FSTL4: variants seen among roughly 807,000 people sequenced by gnomAD.
FSTL4 encodes follistatin like 4.
In FSTL4, 28 loss-of-function variants were observed where a neutral mutation model predicts 78.2. The ratio of observed to expected loss-of-function variants is 0.36; its 90% CI spans 0.27 to 0.49. The LOEUF (loss-of-function observed/expected upper bound fraction) is 0.49. Ranked by LOEUF, FSTL4 falls within the 20% of genes least tolerant of loss-of-function variation. The pLI is 0.98. For missense variants in FSTL4, 922 were observed against 1,084.9 expected (o/e 0.85, Z 2.11); for synonymous variants, 422 against 440.5 (o/e 0.96, Z 0.53).
At chr5:133,314,350 T>A (rs772571355) in intron 5 of FSTL4, among the ~76,000 whole-genome samples, 1 of 152,194 alleles carries the variant, frequency 6.6e-6, no homozygotes, top group Non-Finnish European at 1.5e-5. Context: ...CCGGGGGCCA[T>A]GGGCAGCAAG....
intron 6 of FSTL4, among the ~76,000 whole-genome samples, chr5:133,280,092 G>A (rs1434831945): frequency 1.3e-5 from 2 of 152,186 alleles, no homozygotes; most frequent in African/African-American, 4.8e-5. Flanking sequence ...GAGAGCACAC[G>A]TTTACGTGGT....
At chr5:133,238,565 G>A (rs972931048) in intron 7 of FSTL4, among the ~76,000 whole-genome samples, 3 of 151,868 alleles carry the variant, frequency 2.0e-5, no homozygotes, top group African/African-American at 7.3e-5. Flanking sequence ...ATGGACACAT[G>A]CAGTACATGC....
chr5:133,569,882 A>G (rs1009385956), intron 2 of FSTL4, among the ~76,000 whole-genome samples: 1 of 152,136 alleles, frequency 6.6e-6, no homozygotes, highest in African/African-American at 2.4e-5. Flanking sequence ...TTCATAAATG[A>G]GATTGGTCTA....
the FSTL4 span, among the ~76,000 whole-genome samples, chr5:133,679,380 A>C: frequency 6.6e-6 from 1 of 152,142 alleles, no homozygotes; most frequent in African/African-American, 2.4e-5. Context: ...CCTTGAAAGA[A>C]ACCTTTCTGT....
chr5:133,432,036 G>A (rs891580115), intron 3 of FSTL4, among the ~76,000 whole-genome samples: 1 of 152,168 alleles, frequency 6.6e-6, no homozygotes, highest in Middle Eastern at 3.2e-3. Context: ...TACCTCAGTT[G>A]AGAGTTAAAT....
chr5:133,571,595 C>CT (rs1190814757), intron 2 of FSTL4, among the ~76,000 whole-genome samples: 3 of 152,188 alleles, frequency 2.0e-5, no homozygotes, highest in Non-Finnish European at 4.4e-5. Context: ...ATTGGGTACA[C>CT]TGTAAAATGC....
intron 6 of FSTL4, among the ~76,000 whole-genome samples, chr5:133,269,226 T>C (rs1375826311): frequency 6.6e-6 from 1 of 151,366 alleles, no homozygotes; most frequent in African/African-American, 2.4e-5. Context: ...GGCAAATCTA[T>C]TTGTACTGAC....
rs543327955 is a variant in FSTL4 at position 133,498,904 on chromosome 5, A to G, written c.160+68282T>C. On this transcript the variant is annotated intron_variant, in intron 3 of 15. Coordinates refer to ENST00000265342, the MANE Select transcript of FSTL4 (RefSeq NM_015082.2). Reference sequence around the variant, plus strand: ...CTGTTTTAGCAGAACTAGAGATGGGAGTAGGAACAGACACAGACCCTTGTC... The same window carrying G: ...CTGTTTTAGCAGAACTAGAGATGGGGGTAGGAACAGACACAGACCCTTGTC... Among the ~76,000 whole-genome samples the G allele has an allele frequency of 1.2e-4, 18 of 152,106 alleles. 1 individual carries two copies. The highest frequency in any genetic ancestry group is 4.1e-4 in the African/African-American group (17 of 41,456).
At chr5:133,712,783 G>A in the FSTL4 span, among the ~76,000 whole-genome samples, 6 of 152,212 alleles carry the variant, frequency 3.9e-5, no homozygotes, top group Non-Finnish European at 5.9e-5. Flanking sequence ...GATTCCCAAG[G>A]GGGCCACTTT....
chr5:133,767,480 T>C, the FSTL4 span, among the ~76,000 whole-genome samples: 8,264 of 152,196 alleles, frequency 0.054, 266 homozygotes, highest in African/African-American at 0.066. Context: ...TGGGTCCTGA[T>C]TGTGGAGAGC....
chr5:133,682,538 G>A, the FSTL4 span, among the ~76,000 whole-genome samples: 5 of 152,302 alleles, frequency 3.3e-5, no homozygotes, highest in South Asian at 2.1e-4. Flanking sequence ...AAATGATGCC[G>A]CCCCTTTCCA....
chr5:133,445,735 A>T (rs1757250877), intron 3 of FSTL4, among the ~76,000 whole-genome samples: 1 of 152,164 alleles, frequency 6.6e-6, no homozygotes, highest in African/African-American at 2.4e-5. Flanking sequence ...CCGGGTCCCC[A>T]GGCCTGTGTA....
chr5:133,220,635 A>G, intron 12 of FSTL4, 113 bp downstream of exon 12: 1 of 722,636 alleles, frequency 1.4e-6, no homozygotes, highest in African/African-American at 1.7e-5. Context: ...TTGGAACCAC[A>G]CCACATATAG....
At chr5:133,339,624 C>A (rs191634685) in intron 4 of FSTL4, among the ~76,000 whole-genome samples, 1 of 152,290 alleles carries the variant, frequency 6.6e-6, no homozygotes, top group Admixed American at 6.5e-5. Flanking sequence ...TGGCTTTGTC[C>A]AGAGTTGCTT....
In FSTL4 at chr5:133,440,455, C is replaced by T. The variant is rs539015212; in HGVS notation, c.161-39469G>A. Among the ~76,000 whole-genome samples, 153 of 152,362 alleles carry T rather than the reference C, an allele frequency of 1.0e-3. 3 individuals are homozygous for T. The South Asian group carries it at 0.031, about 31-fold the overall frequency. On this transcript the variant is annotated intron_variant, in intron 3 of 15. Coordinates refer to ENST00000265342, the MANE Select transcript of FSTL4 (RefSeq NM_015082.2). The surrounding 1 kb of genome is among the most constrained non-coding windows in gnomAD (Gnocchi z 4.1). ...AATGTGGGGCTGCACTGAGCCCTTA[C>T]ATCTGGCTGGCCGACCAAGCTGCTT...
At chr5:133,276,266 C>T (rs929958408) in intron 6 of FSTL4, among the ~76,000 whole-genome samples, 3 of 152,192 alleles carry the variant, frequency 2.0e-5, no homozygotes, top group African/African-American at 7.2e-5. Flanking sequence ...GCTGTCCTGG[C>T]TTGCTTGGGG....
chr5:133,719,324 T>G, the FSTL4 span, among the ~76,000 whole-genome samples: 1 of 152,034 alleles, frequency 6.6e-6, no homozygotes, highest in Non-Finnish European at 1.5e-5. Context: ...TATAGAAAAA[T>G]AAATCTTTAA....
chr5:133,412,899 G>C (rs991834444), intron 3 of FSTL4, among the ~76,000 whole-genome samples: 5 of 152,080 alleles, frequency 3.3e-5, no homozygotes, highest in Non-Finnish European at 7.4e-5. Flanking sequence ...GCATATAGTG[G>C]TGATTCATTC....
intron 4 of FSTL4, among the ~76,000 whole-genome samples, chr5:133,395,805 C>T (rs913872673): frequency 1.3e-5 from 2 of 152,206 alleles, no homozygotes; most frequent in Admixed American, 1.3e-4. Flanking sequence ...CCCCTCTCCT[C>T]CAGCACCTTC....
Sources: allele counts gnomAD v4.1 joint callset (sites outside exome capture counted in the v4.1 genomes callset), GRCh38; gene constraint gnomAD v4.1.1; non-coding constraint Gnocchi (gnomAD v3.1); transcripts MANE v1.5; gene names NCBI Gene and HGNC (gene_info 2026-07-23, HGNC 2026-07-21).